RBM4: variants seen among roughly 807,000 people sequenced by gnomAD.
The protein encoded by RBM4 is RNA-binding protein 4.
Under a neutral mutation model 29.5 loss-of-function variants are expected in RBM4, and 7 were observed. That is an observed-to-expected ratio of 0.24 (90% CI 0.14 to 0.45). The LOEUF is 0.45. Ranked by LOEUF, RBM4 falls within the 20% of genes least tolerant of loss-of-function variation. The probability of loss-of-function intolerance (pLI) is 1.00; values close to 1 mark genes in which losing one functional copy is unlikely to be tolerated. For missense variants in RBM4, 387 were observed against 502.3 expected, an observed-to-expected ratio of 0.77 and a Z score of 2.19; for synonymous variants, 220 against 205.4, an observed-to-expected ratio of 1.07 and a Z score of -0.61.
At chr11:66,665,369 T>C (rs959804422) in intron 2 of RBM4, 12 of 597,652 alleles carry the variant, frequency 2.0e-5, no homozygotes, top group Admixed American at 1.5e-4. Flanking sequence ...AGGCTGAGAA[T>C]ATAAGGAACA....
Position 66,638,746 on chromosome 11 carries a change from T to C in RBM4, c.-19T>C, listed in dbSNP as rs919539229. ...GCGAGGAGGAGGCCCTGCTGGTTTC[T>C]GTGCGGGTGAGACTCCGAGCCTTTC... On this transcript the variant is annotated 5_prime_UTR_variant, in exon 1 of 4. Coordinates refer to ENST00000310092, the MANE Select transcript of RBM4 (RefSeq NM_002896.4). 1 of 153,120 alleles carries C rather than the reference T, an allele frequency of 6.5e-6. No homozygotes were observed. The highest frequency in any genetic ancestry group is 1.5e-5 in the Non-Finnish European group (1 of 68,500). 9.5% of individuals were successfully genotyped at this position (153,120 alleles called of 1,614,324 possible).
At chr11:66,655,490 T>C (rs542159303) in intron 2 of RBM4, among the ~76,000 whole-genome samples, 1 of 152,204 alleles carries the variant, frequency 6.6e-6, no homozygotes, top group Non-Finnish European at 1.5e-5. Flanking sequence ...CTATGTTGCC[T>C]ACGGTGCTCT....
At chr11:66,664,467 T>C (rs1939157950) in intron 2 of RBM4, among the ~76,000 whole-genome samples, 1 of 151,386 alleles carries the variant, frequency 6.6e-6, no homozygotes, top group South Asian at 2.1e-4. Context: ...TTTGTTGTTT[T>C]TGTTTCTTTT....
intron 2 of RBM4, among the ~76,000 whole-genome samples, chr11:66,659,752 T>C (rs753213867): frequency 1.3e-5 from 2 of 152,184 alleles, no homozygotes; most frequent in Non-Finnish European, 2.9e-5. Context: ...CATGTTTATA[T>C]CACATGTTGC....
intron 3 of RBM4, among the ~76,000 whole-genome samples, chr11:66,645,735 G>T (rs1010037140): frequency 2.6e-5 from 4 of 151,988 alleles, no homozygotes; most frequent in African/African-American, 9.7e-5. Flanking sequence ...CTTCTCTGAG[G>T]AATGCTAATG....
rs750177241 is a variant in RBM4, at chr11:66,646,052, C to T, written c.*34C>T. On this transcript the variant is annotated 3_prime_UTR_variant, in exon 4 of 4. Transcript: ENST00000310092. ...GTGGGATGTGTGTGGGCTGAAATTC[C>T]GAGCTGCGGTTGTGCATGAGAATAC... The T allele has an allele frequency of 5.9e-6, 9 of 1,536,118 alleles. No individual in the cohort carries two copies. The highest frequency in any genetic ancestry group is 2.7e-5 in the African/African-American group (2 of 73,168).
intron 3 of RBM4, among the ~76,000 whole-genome samples, chr11:66,645,076 C>T (rs1043219734): frequency 1.3e-5 from 2 of 152,104 alleles, no homozygotes; most frequent in Non-Finnish European, 2.9e-5. Flanking sequence ...TTGCCATAAG[C>T]AAATCACTCC....
chr11:66,646,293 C>G lies in RBM4; in HGVS notation c.*275C>G. 1 of 1,373,920 alleles carries G rather than the reference C, an allele frequency of 7.3e-7. No individual in the cohort carries two copies. Among genetic ancestry groups the G allele is most frequent in the Non-Finnish European group, 9.4e-7 (1 of 1,061,808 alleles). The allele number at this position is 1,373,920 out of a possible 1,614,324, so 85.1% of individuals were successfully genotyped here. ...CAGCAGGCCTCATTGTGTGCAGAAA[C>G]TGTGGTGGGGGCTGTGCTGTCTCCT... On this transcript the variant is annotated 3_prime_UTR_variant, in exon 4 of 4. Transcript: ENST00000310092.
chr11:66,665,867 CCTGTGA>C, exon 3 of RBM4: 1 of 1,532,916 alleles, frequency 6.5e-7, no homozygotes, highest in East Asian at 2.4e-5. Context: ...CAAGATAACC[CCTGTGA>C]CAGAAGGCTA....
chr11:66,665,064 A>T (rs1472252966), intron 2 of RBM4: 1 of 152,794 alleles, frequency 6.5e-6, no homozygotes, highest in African/African-American at 2.4e-5. Context: ...GAGTAAAACA[A>T]GGGTAAATTT....
At chr11:66,666,300 A>AG in exon 3 of RBM4, 2 of 1,070,558 alleles carry the variant, frequency 1.9e-6, no homozygotes, top group Non-Finnish European at 2.3e-6. Context: ...TTACAGACAA[A>AG]GGGCCAAATC....
intron 2 of RBM4, among the ~76,000 whole-genome samples, chr11:66,655,406 C>T (rs570017839): frequency 3.3e-5 from 5 of 152,042 alleles, no homozygotes; most frequent in African/African-American, 4.8e-5. Flanking sequence ...CCTCCTACCC[C>T]AGCCTCCCGA....
downstream of RBM4, among the ~76,000 whole-genome samples, chr11:66,650,598 C>T (rs1192837133): frequency 6.6e-6 from 1 of 150,406 alleles, no homozygotes; most frequent in Non-Finnish European, 1.5e-5. Context: ...GCGCGGTGGC[C>T]CACGCCTGTA....
chr11:66,649,870 C>T (rs1011991343), downstream of RBM4: 10 of 593,056 alleles, frequency 1.7e-5, no homozygotes, highest in Middle Eastern at 2.8e-4. Context: ...TGAGCCACTG[C>T]GTCTGGTCAA....
chr11:66,643,717 C>T lies in RBM4; in HGVS notation c.680C>T (p.Ala227Val), dbSNP rs749220363. Residue 227 changes from alanine (A) to valine (V), a missense_variant, in exon 3 of 4, where the codon GCT (alanine) becomes GTT (valine). Physicochemically the swap from Ala to Val is moderately conservative, Grantham distance 64. Coordinates refer to ENST00000310092, the MANE Select transcript of RBM4 (RefSeq NM_002896.4). The surrounding 1 kb of genome is among the most constrained non-coding windows in gnomAD (Gnocchi z 6.1). ...GATGCCTACTACAAGCGCTGCCGTG[C>T]TGCCCGGTCCTATGAGGCAGTGGCA... ...ALDAYYKRCR[A>V]ARSYEAVAAA... is the part of the protein sequence containing the mutation. 1 of 1,614,156 alleles carries T rather than the reference C, an allele frequency of 6.2e-7. No individual in the cohort carries two copies. The highest frequency in any genetic ancestry group is 8.5e-7 in the Non-Finnish European group (1 of 1,180,020).
chr11:66,647,581 TTTTCTC>T (rs1938728063), downstream of RBM4, among the ~76,000 whole-genome samples: 1 of 152,226 alleles, frequency 6.6e-6, no homozygotes, highest in South Asian at 2.1e-4. Context: ...TTTGGTTTCT[TTTTCTC>T]TAAAGGACAG....
intron 2 of RBM4, chr11:66,640,351 C>T (rs949735549): frequency 4.8e-6 from 3 of 631,250 alleles, no homozygotes; most frequent in Non-Finnish European, 5.5e-6. Context: ...TTTGGAGCCC[C>T]TACGGCTTTT....
At position 66,643,842 on chromosome 11, in the gene RBM4, C is replaced by T. The variant is rs765667535; in HGVS notation, c.805C>T (p.Leu269Phe). 3 of 1,613,974 alleles carry T rather than the reference C, an allele frequency of 1.9e-6. No homozygotes were observed. The highest frequency in any genetic ancestry group is 2.2e-5 in the South Asian group (2 of 91,084). Residue 269 changes from leucine (L) to phenylalanine (F), a missense_variant, in exon 3 of 4, where the codon CTC becomes TTC. Coordinates refer to ENST00000310092, the MANE Select transcript of RBM4 (RefSeq NM_002896.4). The surrounding 1 kb of genome is among the most constrained non-coding windows in gnomAD (Gnocchi z 6.1). ...AMASHLTSTS[L>F]DPYDRHLLPT... is the part of the protein sequence containing the mutation. ...GGCCAGTCACCTCACCTCCACCTCT[C>T]TCGATCCCTACGATAGACACCTGTT...
At chr11:66,649,042 C>A (rs1250105379), downstream of RBM4, among the ~76,000 whole-genome samples, 1 of 151,732 alleles carries the variant, frequency 6.6e-6, no homozygotes, top group African/African-American at 2.4e-5. Flanking sequence ...CAGAGTCTCT[C>A]TGTTGCCCAG....
Sources: allele counts gnomAD v4.1 joint callset (sites outside exome capture counted in the v4.1 genomes callset), GRCh38; gene constraint gnomAD v4.1.1; non-coding constraint Gnocchi (gnomAD v3.1); transcripts MANE v1.5; gene names NCBI Gene and HGNC (gene_info 2026-07-23, HGNC 2026-07-21).